Variants in PHACTR3 observed in about 807,000 individuals in gnomAD.
PHACTR3 encodes the protein protein phosphatase 1, regulatory subunit 123.
Under a neutral mutation model 66.8 loss-of-function variants are expected in PHACTR3, and 16 were observed. That is an observed-to-expected ratio of 0.24 (90% CI 0.16 to 0.36). The LOEUF is 0.36. Ranked by LOEUF, PHACTR3 falls within the 10% of genes least tolerant of loss-of-function variation. The pLI, the probability that PHACTR3 is intolerant of heterozygous loss-of-function variation, is 1.00. For missense variants in PHACTR3, 647 were observed against 719.9 expected, an observed-to-expected ratio of 0.90 and a Z score of 1.16; for synonymous variants, 323 against 292.1, an observed-to-expected ratio of 1.11 and a Z score of -1.08.
intron 1 of PHACTR3, among the ~76,000 whole-genome samples, chr20:59,621,940 G>A (rs1453120335): frequency 1.3e-5 from 2 of 152,226 alleles, no homozygotes; most frequent in African/African-American, 4.8e-5. Flanking sequence ...CTCACAAGCA[G>A]ATCTTTTAAG....
intron 7 of PHACTR3, among the ~76,000 whole-genome samples, chr20:59,789,173 TGGGGGAGGCATCTTCCTGCAGGGTGCAG>T (rs779305167): frequency 1.3e-4 from 20 of 152,212 alleles, no homozygotes; most frequent in Non-Finnish European, 2.9e-4. Flanking sequence ...CCCTGGTTTC[TGGGGGAGGCATCTTCCTGCAGGGTGCAG>T]GGAGGTGGCC....
rs2040219266 is a variant in PHACTR3, at chr20:59,767,502, T to C, written c.751+107T>C. On this transcript the variant is annotated intron_variant, in intron 5 of 12. Transcript: ENST00000371015. ...ATCATCTATCTATTTATTCACCCAT[T>C]CACTCATCCATCCATCCATACCTTC... 2.4e-6 allele frequency: 3 copies of C among 1,266,744 alleles called. No homozygotes were observed. The South Asian group carries it at 4.2e-5, about 18-fold the overall frequency. The allele number at this position is 1,266,744 out of a possible 1,614,324, so 78.5% of individuals were successfully genotyped here.
At chr20:59,764,943 G>A (rs961397431) in intron 4 of PHACTR3, among the ~76,000 whole-genome samples, 2 of 152,224 alleles carry the variant, frequency 1.3e-5, no homozygotes, top group South Asian at 4.1e-4. Flanking sequence ...CAGGAACTTG[G>A]CTGCCGAGGA....
At chr20:59,764,485 G>T (rs1482090451) in intron 4 of PHACTR3, among the ~76,000 whole-genome samples, 3 of 152,162 alleles carry the variant, frequency 2.0e-5, no homozygotes, top group Non-Finnish European at 4.4e-5. Flanking sequence ...CATACTTGTA[G>T]TGGGCAGGTT....
intron 1 of PHACTR3, among the ~76,000 whole-genome samples, chr20:59,639,541 G>A (rs999677606): frequency 1.3e-5 from 2 of 152,138 alleles, no homozygotes; most frequent in Admixed American, 6.5e-5. Context: ...TGGGCTGGCC[G>A]ATTGAAAGAG....
At chr20:59,591,247 C>T (rs1460657266) in intron 1 of PHACTR3, among the ~76,000 whole-genome samples, 3 of 152,162 alleles carry the variant, frequency 2.0e-5, no homozygotes, top group Non-Finnish European at 1.5e-5. Flanking sequence ...TCATCCTCTC[C>T]GAAGGCACCT....
chr20:59,694,404 C>G (rs552589919), intron 1 of PHACTR3, among the ~76,000 whole-genome samples: 2 of 152,012 alleles, frequency 1.3e-5, no homozygotes, highest in East Asian at 3.9e-4. Flanking sequence ...ACTATTATAT[C>G]ATTGGCACCT....
intron 8 of PHACTR3, among the ~76,000 whole-genome samples, chr20:59,816,762 G>A (rs765481839): frequency 6.6e-5 from 10 of 152,218 alleles, no homozygotes; most frequent in Non-Finnish European, 1.3e-4. Context: ...TAGGTGGGTG[G>A]TTGGGTAGTT....
At chr20:59,605,185 G>A (rs2033615660) in intron 1 of PHACTR3, 53 bp downstream of exon 1, 3 of 1,227,232 alleles carry the variant, frequency 2.4e-6, no homozygotes, top group East Asian at 3.2e-5. Flanking sequence ...GAGGCAGGTG[G>A]CGCTGAGAGC....
intron 2 of PHACTR3, 113 bp downstream of exon 2, chr20:59,743,381 A>G: frequency 7.6e-7 from 1 of 1,320,070 alleles, no homozygotes; most frequent in Admixed American, 2.3e-5. Context: ...GGAGGGGCAG[A>G]TGTGCTTCAT....
At chr20:59,632,115 A>G (rs1489757896) in intron 1 of PHACTR3, among the ~76,000 whole-genome samples, 1 of 152,124 alleles carries the variant, frequency 6.6e-6, no homozygotes, top group African/African-American at 2.4e-5. Context: ...ATGCTACCAC[A>G]TGCCCTTCAT....
intron 8 of PHACTR3, among the ~76,000 whole-genome samples, chr20:59,811,396 T>C (rs181030596): frequency 6.6e-6 from 1 of 152,332 alleles, no homozygotes; most frequent in East Asian, 1.9e-4. Flanking sequence ...CGGTGGCTCA[T>C]GCCTGTAATC....
At chr20:59,650,323 G>C (rs575258520) in intron 1 of PHACTR3, among the ~76,000 whole-genome samples, 1 of 151,950 alleles carries the variant, frequency 6.6e-6, no homozygotes, top group South Asian at 2.1e-4. Flanking sequence ...AAGTTCATAG[G>C]TATAAGAATA....
intron 1 of PHACTR3, among the ~76,000 whole-genome samples, chr20:59,577,853 C>T (rs1200457421): frequency 2.6e-5 from 4 of 152,230 alleles, no homozygotes; most frequent in Non-Finnish European, 4.4e-5. Context: ...GGGCAGTGTC[C>T]GCAGGGTCAG....
chr20:59,818,804 A>G (rs918321508), intron 8 of PHACTR3, among the ~76,000 whole-genome samples: 4 of 152,090 alleles, frequency 2.6e-5, no homozygotes, highest in Non-Finnish European at 4.4e-5. Flanking sequence ...TTTTATCTTC[A>G]TCACTATCAT....
chr20:59,806,283 G>T, intron 8 of PHACTR3, 89 bp downstream of exon 8: 1 of 1,510,532 alleles, frequency 6.6e-7, no homozygotes, highest in Non-Finnish European at 8.9e-7. Context: ...GGTGTGCCAG[G>T]CCGGGACGCA....
At chr20:59,744,333 A>G (rs2039286527) in intron 2 of PHACTR3, among the ~76,000 whole-genome samples, 1 of 152,148 alleles carries the variant, frequency 6.6e-6, no homozygotes, top group Admixed American at 6.5e-5. Context: ...CAGTGTTCTG[A>G]GAAGAGAGCC....
intron 11 of PHACTR3, among the ~76,000 whole-genome samples, chr20:59,842,306 T>C (rs780974133): frequency 1.2e-4 from 18 of 152,218 alleles, no homozygotes; most frequent in Non-Finnish European, 1.3e-4. Flanking sequence ...AGAAAAATTA[T>C]ACATTCAGGC....
chr20:59,593,554 A>C (rs1188329488), intron 1 of PHACTR3, among the ~76,000 whole-genome samples: 1 of 152,118 alleles, frequency 6.6e-6, no homozygotes, highest in Admixed American at 6.5e-5. Context: ...ATAATATTGC[A>C]TCTAAAATGT....
Sources: gnomAD v4.1 joint callset for allele counts (sites outside exome capture counted in the v4.1 genomes callset) on GRCh38, gnomAD v4.1.1 for gene constraint, MANE v1.5 for transcripts, NCBI Gene and HGNC (gene_info 2026-07-23, HGNC 2026-07-21) for gene names.